The following TOM1L2 variants were observed in gnomAD, a reference collection of about 807,000 sequenced individuals.
The protein encoded by TOM1L2 is target of myb1 like 2 membrane trafficking protein.
Under a neutral mutation model 67.9 loss-of-function variants are expected in TOM1L2, and 31 were observed. That is an observed-to-expected ratio of 0.46 (90% CI 0.34 to 0.62). The LOEUF (loss-of-function observed/expected upper bound fraction) is 0.62. TOM1L2 is among the 20% of genes least tolerant of loss of function. The probability of loss-of-function intolerance (pLI) is 0.01; values close to 1 mark genes in which losing one functional copy is unlikely to be tolerated. For missense variants in TOM1L2, 606 were observed against 663.5 expected (o/e 0.91, Z 0.95); for synonymous variants, 256 against 254.0 (o/e 1.01, Z -0.07).
At chr17:17,955,991 A>T (rs1296607351) in intron 1 of TOM1L2, among the ~76,000 whole-genome samples, 2 of 152,234 alleles carry the variant, frequency 1.3e-5, no homozygotes. Flanking sequence ...CGCCAGCCTC[A>T]AGAGAAAAAC....
intron 1 of TOM1L2, among the ~76,000 whole-genome samples, chr17:17,939,080 G>C (rs1377804618): frequency 6.6e-6 from 1 of 152,202 alleles, no homozygotes; most frequent in Non-Finnish European, 1.5e-5. Flanking sequence ...GAAGAACCTT[G>C]ATATACAGAC....
intron 1 of TOM1L2, among the ~76,000 whole-genome samples, chr17:17,960,022 T>C (rs1371137081): frequency 6.6e-6 from 1 of 152,200 alleles, no homozygotes; most frequent in Non-Finnish European, 1.5e-5. Flanking sequence ...TCAGCGAGGA[T>C]ATAAGAAAGC....
At chr17:17,905,564 G>A (rs1465833258) in intron 2 of TOM1L2, among the ~76,000 whole-genome samples, 1 of 152,096 alleles carries the variant, frequency 6.6e-6, no homozygotes, top group African/African-American at 2.4e-5. Context: ...TTAGAGACAG[G>A]GTCTTACTCT....
intron 7 of TOM1L2, among the ~76,000 whole-genome samples, chr17:17,874,669 G>C (rs1006798900): frequency 1.3e-4 from 20 of 152,242 alleles, no homozygotes; most frequent in African/African-American, 4.8e-4. Flanking sequence ...CAAGGGCACA[G>C]AATGCAGTGA....
chr17:17,870,269 C>A (rs915725049), intron 7 of TOM1L2, among the ~76,000 whole-genome samples: 1 of 152,176 alleles, frequency 6.6e-6, no homozygotes, highest in South Asian at 2.1e-4. Context: ...ATCCCCGTGA[C>A]GACAGAGCCT....
rs188839975 is a variant in TOM1L2, at chr17:17,866,275, T to G, written c.1084+21A>C. On this transcript the variant is annotated intron_variant, in intron 10 of 14. Coordinates refer to ENST00000379504, the MANE Select transcript of TOM1L2 (RefSeq NM_001082968.2). The stretch of plus-strand genomic sequence containing the variant: ...AGTGGTAGGAAGTAGGTAGGCCCTT[T>G]TGTCCCTGTGAGACACTCACCTAAG... The G allele has an allele frequency of 1.2e-4, 195 of 1,605,658 alleles. 1 individual carries two copies. Among genetic ancestry groups the G allele is most frequent in the Middle Eastern group, 1.2e-3 (7 of 5,984 alleles).
intron 1 of TOM1L2, among the ~76,000 whole-genome samples, chr17:17,921,211 C>G (rs568834091): frequency 3.1e-4 from 47 of 152,318 alleles, no homozygotes; most frequent in South Asian, 2.7e-3. Flanking sequence ...GTGTGAGCCC[C>G]AATTCCACAC....
At chr17:17,856,738 G>T (rs2036271983) in intron 12 of TOM1L2, among the ~76,000 whole-genome samples, 1 of 152,180 alleles carries the variant, frequency 6.6e-6, no homozygotes, top group Admixed American at 6.5e-5. Flanking sequence ...CCACAGCTTT[G>T]GGCTCTGCTA....
At chr17:17,911,926 C>T (rs2039372151) in intron 1 of TOM1L2, among the ~76,000 whole-genome samples, 1 of 149,154 alleles carries the variant, frequency 6.7e-6, no homozygotes, top group Admixed American at 6.7e-5. Flanking sequence ...ATCCATTTAA[C>T]CCTGAGTGGA....
chr17:17,894,641 A>G (rs2038460958), intron 3 of TOM1L2, among the ~76,000 whole-genome samples: 1 of 152,240 alleles, frequency 6.6e-6, no homozygotes, highest in Admixed American at 6.5e-5. Context: ...GAATACGTTT[A>G]AAGCATAGGC....
chr17:17,871,872 G>T, intron 7 of TOM1L2: 1 of 694,074 alleles, frequency 1.4e-6, no homozygotes, highest in Non-Finnish European at 1.8e-6. Context: ...TAAACATACA[G>T]ACAAGTGCTA....
At chr17:17,929,762 GA>G (rs1198872277) in intron 1 of TOM1L2, among the ~76,000 whole-genome samples, 3 of 152,202 alleles carry the variant, frequency 2.0e-5, no homozygotes, top group Non-Finnish European at 4.4e-5. Context: ...CCTTTCCAGA[GA>G]ATTACACACA....
At chr17:17,899,926 C>G (rs919428595) in intron 2 of TOM1L2, among the ~76,000 whole-genome samples, 1 of 137,502 alleles carries the variant, frequency 7.3e-6, no homozygotes, top group Non-Finnish European at 1.6e-5. Flanking sequence ...TTAAGAGAAA[C>G]TGGGCCGGGC....
At chr17:17,857,886 G>A (rs1399538504) in intron 12 of TOM1L2, 1 of 1,522,256 alleles carries the variant, frequency 6.6e-7, no homozygotes, top group South Asian at 1.2e-5. Flanking sequence ...CAAGACCCAT[G>A]AGAAAGAAGT....
intron 12 of TOM1L2, among the ~76,000 whole-genome samples, chr17:17,853,299 C>T (rs2036091225): frequency 6.6e-6 from 1 of 152,208 alleles, no homozygotes; most frequent in African/African-American, 2.4e-5. Context: ...ACCTGACCAG[C>T]TTTTGTCCAC....
At chr17:17,925,688 A>G (rs1157849239) in intron 1 of TOM1L2, among the ~76,000 whole-genome samples, 7 of 149,796 alleles carry the variant, frequency 4.7e-5, no homozygotes, top group Admixed American at 1.3e-4. Context: ...CTACCAAAAA[A>G]AAAAAAAAAA....
intron 3 of TOM1L2, 144 bp downstream of exon 3, chr17:17,898,452 G>A (rs1243442504): frequency 3.9e-5 from 30 of 773,278 alleles, no homozygotes; most frequent in Non-Finnish European, 6.0e-5. Flanking sequence ...AATACCAGAA[G>A]GCTTTGCTGG....
At chr17:17,905,896 C>T (rs1311758915) in intron 2 of TOM1L2, among the ~76,000 whole-genome samples, 1 of 152,094 alleles carries the variant, frequency 6.6e-6, no homozygotes, top group African/African-American at 2.4e-5. Flanking sequence ...ATGTCGGTAA[C>T]TTCCTCTCCA....
chr17:17,893,680 T>C lies in TOM1L2; in HGVS notation c.347A>G (p.Lys116Arg), dbSNP rs771387359. Reference protein sequence around the residue: ...KNNPPTIVQDKVLALIQAWAD... With the variant: ...KNNPPTIVQDRVLALIQAWAD... ...ACCTACCTGGATCAGAGCAAGCACT[T>C]TGTCCTGTACAATGGTGGGAGGGTT... The change falls in exon 4 of 15, where the codon AAA becomes AGA. Residue 116 changes from lysine (K) to arginine (R), a missense_variant. Around this residue, in one of 2 missense-constraint regions of TOM1L2, gnomAD observed 543 missense variants for 554.0 expected, o/e 0.98. Transcript: ENST00000379504. The C allele has an allele frequency of 1.7e-5, 28 of 1,614,102 alleles. No homozygotes were observed. The highest frequency in any genetic ancestry group is 2.2e-5 in the Non-Finnish European group (26 of 1,179,984).
Sources: gnomAD v4.1 joint callset for allele counts (sites outside exome capture counted in the v4.1 genomes callset) on GRCh38, gnomAD v4.1.1 for gene constraint, gnomAD v4.1.1 regional missense constraint, MANE v1.5 for transcripts, NCBI Gene and HGNC (gene_info 2026-07-23, HGNC 2026-07-21) for gene names.